The following MAPK10 variants were observed in gnomAD, a reference collection of about 807,000 sequenced individuals.
The protein encoded by MAPK10 is JNK3 alpha protein kinase.
Under a neutral mutation model 59.3 loss-of-function variants are expected in MAPK10, and 25 were observed. The observed-to-expected ratio is 0.42, with a 90% confidence interval of 0.31 to 0.59. The LOEUF (loss-of-function observed/expected upper bound fraction) is 0.59. Among genes scored for constraint, MAPK10 ranks in the 20% least tolerant of loss-of-function variants. The probability of loss-of-function intolerance (pLI) is 0.15; values close to 1 mark genes in which losing one functional copy is unlikely to be tolerated. For missense variants in MAPK10, 351 were observed against 568.9 expected (o/e 0.62, Z 3.90); for synonymous variants, 190 against 200.5 (o/e 0.95, Z 0.44).
At chr4:86,511,169 C>T (rs541723244) in intron 1 of MAPK10, among the ~76,000 whole-genome samples, 630 of 152,260 alleles carry the variant, frequency 4.1e-3, no homozygotes, top group Non-Finnish European at 5.8e-3. Flanking sequence ...AACTATTATA[C>T]ATCAATTTTT....
At chr4:86,330,409 A>T (rs1432972275) in intron 2 of MAPK10, among the ~76,000 whole-genome samples, 1 of 152,128 alleles carries the variant, frequency 6.6e-6, no homozygotes, top group East Asian at 1.9e-4. Context: ...AACTATATGG[A>T]TGATATGGTT....
intron 1 of MAPK10, among the ~76,000 whole-genome samples, chr4:86,497,343 G>A (rs1024308909): frequency 3.3e-5 from 5 of 152,110 alleles, no homozygotes; most frequent in African/African-American, 1.2e-4. Context: ...GGAACTATGC[G>A]GGCATGCACT....
intron 1 of MAPK10, among the ~76,000 whole-genome samples, chr4:86,527,561 G>A (rs866700873): frequency 6.6e-6 from 1 of 152,078 alleles, no homozygotes. Context: ...CACTGTTGGT[G>A]GGAATGCAAA....
chr4:86,500,432 A>G (rs1299432236), intron 1 of MAPK10, among the ~76,000 whole-genome samples: 4 of 152,154 alleles, frequency 2.6e-5, no homozygotes, highest in Non-Finnish European at 5.9e-5. Flanking sequence ...ACACTCTTCT[A>G]ACTAGAAACT....
chr4:86,574,412 C>T lies in MAPK10; in HGVS notation c.-263+19498G>A, dbSNP rs112336651. ...GCAGCATGATTTATAGTCCTTTGGG[C>T]ATATACCCAGTAATGGGATGGCTGG... On this transcript the variant is annotated intron_variant, in intron 1 of 4. Transcript: ENST00000502302. Among the ~76,000 whole-genome samples, 425 of 145,868 alleles carry T rather than the reference C, an allele frequency of 2.9e-3. 2 individuals carry two copies. The highest frequency in any genetic ancestry group is 7.1e-3 in the Middle Eastern group (2 of 282).
intron 1 of MAPK10, among the ~76,000 whole-genome samples, chr4:86,404,476 T>G (rs1744118585): frequency 6.6e-6 from 1 of 152,226 alleles, no homozygotes; most frequent in South Asian, 2.1e-4. Context: ...TACTTACCAA[T>G]GCCTACTGCT....
intron 13 of MAPK10, chr4:86,025,548 T>C: frequency 2.5e-6 from 1 of 398,360 alleles, no homozygotes. Flanking sequence ...AGTTGTCCAG[T>C]CAATGTGAGA....
chr4:86,101,788 G>A, intron 7 of MAPK10, 106 bp downstream of exon 7: 1 of 1,088,438 alleles, frequency 9.2e-7, no homozygotes, highest in Non-Finnish European at 1.3e-6. Flanking sequence ...AAAGAAATGA[G>A]GAAGTATATT....
At chr4:86,386,887 G>A (rs1741536380) in intron 1 of MAPK10, among the ~76,000 whole-genome samples, 1 of 152,106 alleles carries the variant, frequency 6.6e-6, no homozygotes, top group African/African-American at 2.4e-5. Flanking sequence ...GATTGGGCTA[G>A]GATATCTTTG....
chr4:86,220,222 A>G (rs2148637438), intron 2 of MAPK10, among the ~76,000 whole-genome samples: 1 of 152,300 alleles, frequency 6.6e-6, no homozygotes, highest in African/African-American at 2.4e-5. Flanking sequence ...GATTGGTTGA[A>G]ATGTCACAAC....
At chr4:86,537,570 G>A (rs1170134565) in intron 1 of MAPK10, among the ~76,000 whole-genome samples, 5 of 152,154 alleles carry the variant, frequency 3.3e-5, no homozygotes, top group Non-Finnish European at 5.9e-5. Flanking sequence ...ATTGTGACAC[G>A]TCAAAAGGAC....
chr4:86,509,234 C>A (rs998481515), intron 1 of MAPK10, among the ~76,000 whole-genome samples: 1 of 151,968 alleles, frequency 6.6e-6, no homozygotes, highest in African/African-American at 2.4e-5. Flanking sequence ...ACCTAGACAC[C>A]TTTTGGAAAT....
At chr4:86,253,713 CT>C (rs2093573506) in intron 2 of MAPK10, among the ~76,000 whole-genome samples, 1 of 40,616 alleles carries the variant, frequency 2.5e-5, no homozygotes, top group African/African-American at 2.2e-4. Flanking sequence ...AGGATTCCCT[CT>C]TTTTCTATTG....
chr4:86,236,713 G>A (rs1471414358), intron 2 of MAPK10, among the ~76,000 whole-genome samples: 2 of 152,144 alleles, frequency 1.3e-5, no homozygotes, highest in Non-Finnish European at 2.9e-5. Context: ...AGATGGAAAC[G>A]CAGGTCCTGG....
chr4:86,258,608 C>T (rs1387092555), intron 2 of MAPK10, among the ~76,000 whole-genome samples: 1 of 152,164 alleles, frequency 6.6e-6, no homozygotes, highest in East Asian at 1.9e-4. Context: ...CCAATGCAAT[C>T]TGCCCTTTAT....
intron 3 of MAPK10, among the ~76,000 whole-genome samples, chr4:86,181,361 GATTA>G (rs1210838704): frequency 1.3e-5 from 2 of 151,930 alleles, no homozygotes; most frequent in African/African-American, 4.8e-5. Flanking sequence ...ATGATTTGAT[GATTA>G]ATTAATTTGT....
chr4:86,366,226 TTGTC>T (rs1489073953), intron 1 of MAPK10, among the ~76,000 whole-genome samples: 1 of 152,090 alleles, frequency 6.6e-6, no homozygotes, highest in African/African-American at 2.4e-5. Flanking sequence ...AGAGCTGTGT[TTGTC>T]TGTGATAGGA....
chr4:86,173,131 A>C (rs1458538186), intron 3 of MAPK10, among the ~76,000 whole-genome samples: 1 of 152,200 alleles, frequency 6.6e-6, no homozygotes, highest in Non-Finnish European at 1.5e-5. Flanking sequence ...TTTAAAATTC[A>C]TATGAAACCA....
intron 4 of MAPK10, chr4:86,120,513 C>T (rs1309954526): frequency 2.0e-5 from 3 of 152,176 alleles, no homozygotes; most frequent in Non-Finnish European, 2.9e-5. Context: ...CTGCTCTAGA[C>T]ACGAGGCAAT....
Sources: allele counts gnomAD v4.1 joint callset (sites outside exome capture counted in the v4.1 genomes callset), GRCh38; gene constraint gnomAD v4.1.1; transcripts MANE v1.5; gene names NCBI Gene and HGNC (gene_info 2026-07-23, HGNC 2026-07-21).